Variants in NGF observed in about 807,000 individuals in gnomAD.
NGF encodes the protein beta-nerve growth factor.
A neutral mutation model predicts 12.8 loss-of-function variants in NGF; 4 were observed. The observed-to-expected ratio is 0.31, with a 90% CI of 0.15 to 0.72. The LOEUF (loss-of-function observed/expected upper bound fraction) is 0.72. Among genes scored for constraint, NGF ranks in the 30% least tolerant of loss-of-function variants. The pLI is 0.69. For missense variants in NGF, 283 were observed against 330.8 expected (o/e 0.86, Z 1.12); for synonymous variants, 140 against 130.0 (o/e 1.08, Z -0.52).
At chr1:115,328,988 C>T (rs1234916651) in intron 1 of NGF, among the ~76,000 whole-genome samples, 2 of 151,974 alleles carry the variant, frequency 1.3e-5, no homozygotes, top group Non-Finnish European at 2.9e-5. Context: ...GGGATAAAAA[C>T]ATTGTCAATA....
At chr1:115,337,267 G>GTTTGTTTGTTT in intron 1 of NGF, among the ~76,000 whole-genome samples, 8 of 81,030 alleles carry the variant, frequency 9.9e-5, no homozygotes, top group African/African-American at 2.1e-4. Flanking sequence ...TTTTGTTTTT[G>GTTTGTTTGTTT]TTTTTTTTTT....
intron 2 of NGF, among the ~76,000 whole-genome samples, chr1:115,287,098 T>A (rs1364012043): frequency 6.6e-6 from 1 of 152,170 alleles, no homozygotes; most frequent in Non-Finnish European, 1.5e-5. Context: ...CTTGGAGACA[T>A]CACTTACAGA....
chr1:115,325,395 G>T (rs1163912434), intron 1 of NGF, among the ~76,000 whole-genome samples: 1 of 151,830 alleles, frequency 6.6e-6, no homozygotes, highest in African/African-American at 2.4e-5. Context: ...TGTGCATGTT[G>T]TTTTGCTGTG....
chr1:115,325,684 C>T (rs185383401), intron 1 of NGF, among the ~76,000 whole-genome samples: 3 of 152,244 alleles, frequency 2.0e-5, no homozygotes, highest in Admixed American at 2.0e-4. Flanking sequence ...AGAAAAACAA[C>T]AGCAGAGGCA....
chr1:115,335,956 G>A (rs1427407093), intron 1 of NGF, among the ~76,000 whole-genome samples: 2 of 152,218 alleles, frequency 1.3e-5, no homozygotes, highest in East Asian at 3.9e-4. Context: ...CTTCCCTCGG[G>A]CTCCAGCCCT....
chr1:115,291,702 A>G (rs1329789705), intron 2 of NGF, among the ~76,000 whole-genome samples: 1 of 152,164 alleles, frequency 6.6e-6, no homozygotes, highest in Non-Finnish European at 1.5e-5. Context: ...CACTCCAATA[A>G]TAGGATAAAT....
intron 2 of NGF, among the ~76,000 whole-genome samples, chr1:115,292,615 G>A (rs995787684): frequency 5.9e-5 from 9 of 152,178 alleles, no homozygotes; most frequent in Non-Finnish European, 1.2e-4. Flanking sequence ...GGGCCAGTCC[G>A]TGAACACCTG....
Position 115,286,057 on chromosome 1 carries a change from G to GCGTGT in NGF, c.*8_*12dup. 6.2e-7 allele frequency: 1 copy of GCGTGT among 1,612,478 alleles called. No individual in the cohort carries two copies. The highest frequency in any genetic ancestry group is 2.2e-5 in the East Asian group (1 of 44,834). ...AGTGTAGAAGGGGCAGGGGGAGGGA[G>GCGTGT]CGTGTCGGCAGGTCAGGCTCTTCTC... On this transcript the variant is annotated 3_prime_UTR_variant, in exon 3 of 3. Coordinates refer to ENST00000369512, the MANE Select transcript of NGF (RefSeq NM_002506.3).
At chr1:115,337,269 T>TTGTTTTTTTG (rs1557950797) in intron 1 of NGF, among the ~76,000 whole-genome samples, 1 of 39,126 alleles carries the variant, frequency 2.6e-5, no homozygotes, top group Non-Finnish European at 4.8e-5. Flanking sequence ...TTGTTTTTGT[T>TTGTTTTTTTG]TTTTTTTTTT....
At chr1:115,291,140 C>T (rs113275469) in intron 2 of NGF, among the ~76,000 whole-genome samples, 1 of 152,020 alleles carries the variant, frequency 6.6e-6, no homozygotes. Context: ...GAAAATGTCT[C>T]AAATATATCT....
intron 1 of NGF, among the ~76,000 whole-genome samples, chr1:115,299,018 T>C (rs549866474): frequency 2.0e-5 from 3 of 152,318 alleles, no homozygotes; most frequent in East Asian, 1.9e-4. Flanking sequence ...GAATTTGAAA[T>C]CTTTTCTAGT....
At chr1:115,321,810 T>C (rs1654636594) in intron 1 of NGF, among the ~76,000 whole-genome samples, 1 of 152,140 alleles carries the variant, frequency 6.6e-6, no homozygotes, top group African/African-American at 2.4e-5. Context: ...GTCTTCCTTG[T>C]AATTAAAACT....
In NGF at chr1:115,286,539, C is replaced by A. The variant is rs200629339; in HGVS notation, c.257G>T (p.Arg86Leu). 1.4e-5 allele frequency: 22 copies of A among 1,614,048 alleles called. No homozygotes were observed. The South Asian group carries it at 2.4e-4, about 18-fold the overall frequency. Residue 86 changes from arginine (R) to leucine (L), a missense_variant, in exon 3 of 3, where the codon CGT becomes CTT. Physicochemically the swap from Arg to Leu is moderately radical, Grantham distance 102. Transcript: ENST00000369512. ...LFKKRRLRSPRVLFSTQPPRE... is the reference protein window; with the variant it reads ...LFKKRRLRSPLVLFSTQPPRE... ...GGGAGGCTGGGTGCTAAACAGCACA[C>A]GGGGTGAACGGAGTCGCCGCTTTTT...
At chr1:115,289,149 G>T (rs533170087) in intron 2 of NGF, among the ~76,000 whole-genome samples, 1 of 152,192 alleles carries the variant, frequency 6.6e-6, no homozygotes, top group South Asian at 2.1e-4. Flanking sequence ...ATAAATGTCC[G>T]GTCAACTCTT....
intron 1 of NGF, among the ~76,000 whole-genome samples, chr1:115,321,741 T>C (rs1040413111): frequency 3.9e-5 from 6 of 152,166 alleles, no homozygotes; most frequent in African/African-American, 9.7e-5. Flanking sequence ...AGAATCTGCC[T>C]GACAGCCAGC....
chr1:115,287,264 G>A (rs1653541027), intron 2 of NGF, among the ~76,000 whole-genome samples: 1 of 152,156 alleles, frequency 6.6e-6, no homozygotes. Flanking sequence ...GAATCCTCTG[G>A]GAAGGCACGG....
chr1:115,333,869 A>C (rs1425114384), intron 1 of NGF, among the ~76,000 whole-genome samples: 2 of 123,526 alleles, frequency 1.6e-5, no homozygotes, highest in Non-Finnish European at 3.3e-5. Context: ...TTTTTCCCTC[A>C]TTTGAAATCA....
chr1:115,312,343 A>T (rs544347188), intron 1 of NGF, among the ~76,000 whole-genome samples: 10 of 152,334 alleles, frequency 6.6e-5, no homozygotes, highest in African/African-American at 1.9e-4. Context: ...ACCAGTATTC[A>T]TTGGATGACC....
At chr1:115,331,222 A>T (rs752023011) in intron 1 of NGF, among the ~76,000 whole-genome samples, 1 of 152,148 alleles carries the variant, frequency 6.6e-6, no homozygotes, top group Non-Finnish European at 1.5e-5. Flanking sequence ...TGGCATCATG[A>T]TTCCCTTTTA....
Sources: allele counts gnomAD v4.1 joint callset (sites outside exome capture counted in the v4.1 genomes callset), GRCh38; gene constraint gnomAD v4.1.1; transcripts MANE v1.5; gene names NCBI Gene and HGNC (gene_info 2026-07-23, HGNC 2026-07-21).